CTCFL: variants seen among roughly 807,000 people sequenced by gnomAD.
CTCFL encodes the protein transcriptional repressor CTCFL.
A neutral mutation model predicts 67.4 loss-of-function variants in CTCFL; 36 were observed. That is an observed-to-expected ratio of 0.53 (90% confidence interval 0.41 to 0.71). The LOEUF (loss-of-function observed/expected upper bound fraction) is 0.71. CTCFL is among the 30% of genes least tolerant of loss of function. The pLI is 0.00. For missense variants in CTCFL, 786 were observed against 835.2 expected, an observed-to-expected ratio of 0.94 and a Z score of 0.73; for synonymous variants, 324 against 302.3, an observed-to-expected ratio of 1.07 and a Z score of -0.75.
intron 8 of CTCFL, among the ~76,000 whole-genome samples, chr20:57,510,509 C>T (rs1254627001): frequency 6.6e-6 from 1 of 152,314 alleles, no homozygotes; most frequent in Admixed American, 6.5e-5. Flanking sequence ...TTGTTGTTGT[C>T]TGAAGTTCAA....
In CTCFL at chr20:57,508,690, G is replaced by A. The variant is rs142133416; in HGVS notation, c.1590C>T (p.Asn530=). The A allele has an allele frequency of 3.9e-5, 63 of 1,614,040 alleles. No individual in the cohort carries two copies. In the East Asian group the frequency reaches 4.0e-4, roughly 10 times the overall value. Reference sequence around the variant, plus strand: ...CATCGTGGTATTTCCTGAAGTGAGCGTTTAGAAGTTGCTTCTGTCGGAAAC... The same window carrying A: ...CATCGTGGTATTTCCTGAAGTGAGCATTTAGAAGTTGCTTCTGTCGGAAAC... ...NKCFRQKQLL[N]AHFRKYHDAN... is the part of the protein sequence containing the mutation. The change falls in exon 9 of 11, where the codon AAC becomes AAT. Residue 530 remains asparagine (N), a synonymous_variant. Coordinates refer to ENST00000243914, the MANE Select transcript of CTCFL (RefSeq NM_001386993.1).
In CTCFL at chr20:57,515,712, AC is replaced by A; in HGVS notation, c.1180+1del. ...TCAGGCCTTCAGCACCAGAGCCCTTACCTGAGTGCGTTCTCATGTGGCGTTT... is the reference window on the plus strand; with the variant it reads ...TCAGGCCTTCAGCACCAGAGCCCTTACTGAGTGCGTTCTCATGTGGCGTTT... On this transcript the variant is annotated splice_donor_variant, in intron 6 of 10. Transcript: ENST00000243914. LOFTEE classifies it high-confidence loss of function. 1 of 1,614,154 alleles carries A rather than the reference AC, an allele frequency of 6.2e-7. No homozygotes were observed. The highest frequency in any genetic ancestry group is 1.1e-5 in the South Asian group (1 of 91,080).
At chr20:57,503,939 A>G (rs1229003480) in intron 9 of CTCFL, among the ~76,000 whole-genome samples, 2 of 151,622 alleles carry the variant, frequency 1.3e-5, no homozygotes, top group Non-Finnish European at 2.9e-5. Context: ...AAAAAAAAAA[A>G]AAAGAAAGAA....
chr20:57,517,218 G>A (rs906549097), intron 5 of CTCFL, among the ~76,000 whole-genome samples: 14 of 151,484 alleles, frequency 9.2e-5, no homozygotes, highest in African/African-American at 3.2e-4. Flanking sequence ...GAGCAAAGAA[G>A]GCCATTAAAA....
At chr20:57,498,733 T>A in intron 10 of CTCFL, 32 bp from the exon 11 acceptor site, 1 of 1,581,048 alleles carries the variant, frequency 6.3e-7, no homozygotes, top group Non-Finnish European at 8.6e-7. Flanking sequence ...AGCAAATTTA[T>A]CAGAAAGCTA....
chr20:57,503,861 C>T (rs545013165), intron 9 of CTCFL, among the ~76,000 whole-genome samples: 83 of 151,446 alleles, frequency 5.5e-4, no homozygotes, highest in South Asian at 3.7e-3. Context: ...GTGGGAGGAT[C>T]GCTTTAGCCC....
downstream of CTCFL, chr20:57,496,241 C>G (rs759693778): frequency 1.5e-6 from 1 of 655,750 alleles, no homozygotes; most frequent in South Asian, 1.7e-5. Context: ...CCCTCTCTCG[C>G]TCCTGCTTTC....
Position 57,498,569 on chromosome 20 carries a change from A to G in CTCFL, c.1973T>C (p.Leu658Pro). 6.2e-7 allele frequency: 1 copy of G among 1,613,804 alleles called. No homozygotes were observed. Among genetic ancestry groups the G allele is most frequent in the Non-Finnish European group, 8.5e-7 (1 of 1,179,874 alleles). ...VDEGVTCEML[L>P]NTMDK ...TCCCTCTCACTTATCCATCGTGTTG[A>G]GGAGCATTTCACAGGTCACGCCTTC... The change falls in exon 11 of 11, where the codon CTC becomes CCC. Residue 658 changes from leucine (L) to proline (P), a missense_variant. Around this residue, in one of 3 missense-constraint regions of CTCFL, gnomAD observed 199 missense variants for 196.7 expected, o/e 1.01. Transcript: ENST00000243914.
intron 5 of CTCFL, among the ~76,000 whole-genome samples, chr20:57,518,337 C>A (rs183281172): frequency 6.6e-6 from 1 of 152,222 alleles, no homozygotes; most frequent in Non-Finnish European, 1.5e-5. Flanking sequence ...GAAACGTCTA[C>A]GCTTAAATCT....
In CTCFL at chr20:57,507,772, C is replaced by T. The variant is rs1026548573; in HGVS notation, c.1674+834G>A. 6.1e-5 allele frequency: 43 copies of T among 702,880 alleles called. 1 individual carries two copies. Among genetic ancestry groups the T allele is most frequent in the Non-Finnish European group, 9.4e-5 (36 of 385,008 alleles). 43.5% of individuals were successfully genotyped at this position (702,880 alleles called of 1,614,324 possible). ...CAGGACCACCCAGTTCAGCCACTTC[C>T]GAGTTCCCAACCCAGAGAATCTGTC... On this transcript the variant is annotated intron_variant, in intron 9 of 10. Coordinates refer to ENST00000243914, the MANE Select transcript of CTCFL (RefSeq NM_001386993.1).
intron 3 of CTCFL, among the ~76,000 whole-genome samples, chr20:57,522,585 C>T (rs117393517): frequency 3.2e-4 from 49 of 152,300 alleles, no homozygotes; most frequent in Non-Finnish European, 6.2e-4. Context: ...CAGAGCTACA[C>T]GCCCAGACCA....
In CTCFL at chr20:57,523,188, T is replaced by A. The variant is rs372695377; in HGVS notation, c.634A>T (p.Ser212Cys). Residue 212 changes from serine to cysteine, a missense_variant, in exon 3 of 11, where the codon AGT becomes TGT. Physicochemically the swap from Ser to Cys is moderately radical, Grantham distance 112. Transcript: ENST00000243914. ...GAAACTGTGAGAACAATTTCGTCAC[T>A]TCTTTCATCTCCTGACATTGTTTCC... ...FVETMSGDER[S>C]DEIVLTVSNS... 2.5e-5 allele frequency: 40 copies of A among 1,613,932 alleles called. No homozygotes were observed. The African/African-American group carries it at 4.9e-4, about 20-fold the overall frequency.
chr20:57,507,710 G>A lies in CTCFL; in HGVS notation c.1674+896C>T, dbSNP rs78759392. 2,239 of 702,962 alleles carry A rather than the reference G, an allele frequency of 3.2e-3. 35 individuals are homozygous for A. In the African/African-American group the frequency reaches 0.033, roughly 10 times the overall value. 43.5% of individuals were successfully genotyped at this position (702,962 alleles called of 1,614,324 possible). A position where few individuals can be genotyped will look rare whatever the true frequency, so the allele number is the denominator to read the frequency against. Reference sequence around the variant, plus strand: ...AGCCTTCGGATGATGCAGCCCTGGCGGACATCCTGACTGCAGCCTCAGGAG... The same window carrying A: ...AGCCTTCGGATGATGCAGCCCTGGCAGACATCCTGACTGCAGCCTCAGGAG... On this transcript the variant is annotated intron_variant, in intron 9 of 10. Coordinates refer to ENST00000243914, the MANE Select transcript of CTCFL (RefSeq NM_001386993.1).
Position 57,523,641 on chromosome 20 carries a change from T to A in CTCFL, c.543+22A>T, listed in dbSNP as rs746385722. ...ATTTTTTCTTTTTCATGTAAGGGGT[T>A]GTTTATTAAAACCAGCTGTACCTTG... is the stretch of plus-strand genomic sequence containing the variant. On this transcript the variant is annotated intron_variant, in intron 2 of 10. Coordinates refer to ENST00000243914, the MANE Select transcript of CTCFL (RefSeq NM_001386993.1). 10 of 1,594,576 alleles carry A rather than the reference T, an allele frequency of 6.3e-6. No individual in the cohort carries two copies. In the Admixed American group the frequency reaches 1.7e-4, roughly 28 times the overall value.
Position 57,498,003 on chromosome 20 carries a change from T to G in CTCFL, c.*547A>C, listed in dbSNP as rs1206563791. The G allele has an allele frequency of 4.4e-6, 4 of 908,584 alleles. No individual in the cohort carries two copies. In the African/African-American group the frequency reaches 7.2e-5, roughly 16 times the overall value. The allele number at this position is 908,584 out of a possible 1,614,324, so 56.3% of individuals were successfully genotyped here. On this transcript the variant is annotated 3_prime_UTR_variant, in exon 11 of 11. Transcript: ENST00000243914. ...TTGAATTTAGAACTAATTAAAAGCATTATGGTAGCTTTAAATTTTGTAGAA... is the reference window on the plus strand; with the variant it reads ...TTGAATTTAGAACTAATTAAAAGCAGTATGGTAGCTTTAAATTTTGTAGAA...
intron 10 of CTCFL, 116 bp from the exon 11 acceptor site, chr20:57,498,817 T>C (rs1439624028): frequency 2.3e-6 from 2 of 887,266 alleles, no homozygotes; most frequent in Non-Finnish European, 3.5e-6. Context: ...GCAGCAAGCA[T>C]GTTAGAAAAC....
chr20:57,510,132 CAGTA>C (rs2068455954), intron 8 of CTCFL, among the ~76,000 whole-genome samples: 1 of 152,236 alleles, frequency 6.6e-6, no homozygotes, highest in Non-Finnish European at 1.5e-5. Context: ...TCAAAACACA[CAGTA>C]AGCACTGATT....
chr20:57,505,826 TAA>T (rs1259806947), intron 9 of CTCFL, among the ~76,000 whole-genome samples: 2 of 152,202 alleles, frequency 1.3e-5, no homozygotes, highest in Non-Finnish European at 2.9e-5. Flanking sequence ...AGGATAATCT[TAA>T]GTCAGAAAAT....
chr20:57,501,974 T>A (rs963146567), intron 10 of CTCFL, among the ~76,000 whole-genome samples: 2 of 152,244 alleles, frequency 1.3e-5, no homozygotes, highest in Admixed American at 6.5e-5. Context: ...GTGGTCATGA[T>A]AAGAAGGGAC....
Sources: gnomAD v4.1 joint callset for allele counts (sites outside exome capture counted in the v4.1 genomes callset) on GRCh38, gnomAD v4.1.1 for gene constraint, gnomAD v4.1.1 regional missense constraint, MANE v1.5 for transcripts, NCBI Gene and HGNC (gene_info 2026-07-23, HGNC 2026-07-21) for gene names.